Variants in DRC8 observed in about 807,000 individuals in gnomAD.
DRC8 encodes the protein dynein regulatory complex subunit 8, also known as dynein regulatory complex protein 8.
At chr1:245,038,011 G>A in the DRC8 span, among the ~76,000 whole-genome samples, 1 of 152,098 alleles carries the variant, frequency 6.6e-6, no homozygotes, top group Non-Finnish European at 1.5e-5. Context: ...CATGTTGTTG[G>A]ATAAGAGGAC....
chr1:245,064,055 GA>G, the DRC8 span, among the ~76,000 whole-genome samples: 2 of 152,106 alleles, frequency 1.3e-5, no homozygotes, highest in Non-Finnish European at 2.9e-5. Flanking sequence ...AAAAGAGAAA[GA>G]AAATTGAATT....
the DRC8 span, chr1:245,022,977 T>C: frequency 6.6e-6 from 1 of 152,226 alleles, no homozygotes; most frequent in African/African-American, 2.4e-5. Context: ...CTTAGGTGCC[T>C]CATATATCAA....
the DRC8 span, among the ~76,000 whole-genome samples, chr1:245,099,888 T>C: frequency 6.6e-6 from 1 of 152,174 alleles, no homozygotes; most frequent in African/African-American, 2.4e-5. Flanking sequence ...TGTATCTCCA[T>C]GTAACATCAC....
the DRC8 span, among the ~76,000 whole-genome samples, chr1:245,012,445 A>T: frequency 6.9e-6 from 1 of 145,694 alleles, no homozygotes; most frequent in Non-Finnish European, 1.5e-5. Context: ...CAATAAGAAG[A>T]TAATACAAAA....
chr1:245,114,620 C>T, the DRC8 span, among the ~76,000 whole-genome samples: 4 of 152,238 alleles, frequency 2.6e-5, no homozygotes, highest in South Asian at 8.3e-4. Context: ...GGAAATTCAC[C>T]GATGCGTGAA....
At chr1:245,089,896 C>T in the DRC8 span, among the ~76,000 whole-genome samples, 3 of 152,244 alleles carry the variant, frequency 2.0e-5, no homozygotes, top group Admixed American at 6.5e-5. This position sits in a 1 kb window ranked among gnomAD's most constrained non-coding sequence, Gnocchi z 4.8. Flanking sequence ...CTTGTGGTCC[C>T]TACCTCATGG....
At chr1:245,084,290 C>T in the DRC8 span, among the ~76,000 whole-genome samples, 1 of 152,162 alleles carries the variant, frequency 6.6e-6, no homozygotes, top group East Asian at 1.9e-4. Flanking sequence ...CCATGTTGGC[C>T]AGGCTGGTCT....
chr1:245,119,483 C>T, the DRC8 span, among the ~76,000 whole-genome samples: 5 of 151,392 alleles, frequency 3.3e-5, no homozygotes, highest in African/African-American at 7.3e-5. Context: ...GGCAACAAAG[C>T]GAGGCCCTGT....
the DRC8 span, among the ~76,000 whole-genome samples, chr1:244,984,841 C>T: frequency 1.8e-5 from 2 of 111,616 alleles, no homozygotes; most frequent in Admixed American, 2.1e-4. Context: ...TCAAAAAACA[C>T]CCCCCCTTCA....
At chr1:245,105,588 G>A in the DRC8 span, among the ~76,000 whole-genome samples, 9 of 136,346 alleles carry the variant, frequency 6.6e-5, no homozygotes, top group South Asian at 4.6e-4. Context: ...ACACCATTGC[G>A]CTTCAGCCTG....
chr1:245,018,119 T>C, the DRC8 span, among the ~76,000 whole-genome samples: 47 of 151,058 alleles, frequency 3.1e-4, no homozygotes, highest in East Asian at 9.2e-3. Context: ...CCCAGCTACT[T>C]TGGAGGCTGA....
At chr1:245,084,851 G>A in the DRC8 span, among the ~76,000 whole-genome samples, 1 of 152,252 alleles carries the variant, frequency 6.6e-6, no homozygotes, top group Admixed American at 6.5e-5. Flanking sequence ...AATACAGAGA[G>A]TGAGGGTCAG....
chr1:245,019,724 C>G, the DRC8 span, among the ~76,000 whole-genome samples: 2 of 152,174 alleles, frequency 1.3e-5, no homozygotes, highest in Admixed American at 1.3e-4. Flanking sequence ...GGGTGGCTCA[C>G]CTGAGGTCAG....
At chr1:245,023,745 A>G in the DRC8 span, among the ~76,000 whole-genome samples, 20 of 152,186 alleles carry the variant, frequency 1.3e-4, no homozygotes, top group East Asian at 1.2e-3. Context: ...TTTTTAAACC[A>G]GGTTGTTTTA....
At chr1:245,036,873 A>T in the DRC8 span, among the ~76,000 whole-genome samples, 1 of 152,138 alleles carries the variant, frequency 6.6e-6, no homozygotes, top group African/African-American at 2.4e-5. Flanking sequence ...GGGATTCTTT[A>T]TGGGGTGATT....
the DRC8 span, among the ~76,000 whole-genome samples, chr1:244,972,794 C>T: frequency 6.9e-6 from 1 of 145,144 alleles, no homozygotes; most frequent in Non-Finnish European, 1.5e-5. Flanking sequence ...TCCAGCCTGG[C>T]GACAGAGTAA....
the DRC8 span, among the ~76,000 whole-genome samples, chr1:245,090,533 A>T: frequency 2.6e-5 from 4 of 152,342 alleles, no homozygotes; most frequent in South Asian, 8.3e-4. Flanking sequence ...CCATCGGTGC[A>T]GGTGCTATTA....
chr1:245,019,414 G>GTCTT, the DRC8 span, among the ~76,000 whole-genome samples: 1 of 152,074 alleles, frequency 6.6e-6, no homozygotes. Context: ...TAAAGATAGG[G>GTCTT]TCTTACTCTG....
chr1:244,971,751 G>A, the DRC8 span, among the ~76,000 whole-genome samples: 139 of 152,214 alleles, frequency 9.1e-4, no homozygotes, highest in African/African-American at 3.1e-3. Context: ...TTGTTCCGGT[G>A]ATCACAGAAA....
Sources: allele counts gnomAD v4.1 joint callset (sites outside exome capture counted in the v4.1 genomes callset), GRCh38; gene constraint gnomAD v4.1.1; non-coding constraint Gnocchi (gnomAD v3.1); transcripts MANE v1.5; gene names NCBI Gene and HGNC (gene_info 2026-07-23, HGNC 2026-07-21).